Variants in TENM2 observed in about 807,000 individuals in gnomAD.
TENM2 encodes teneurin-2.
TENM2 carries 52 observed loss-of-function variants against 245.2 expected under a neutral mutation model. That is an observed-to-expected ratio of 0.21 (90% CI 0.17 to 0.27). The LOEUF (loss-of-function observed/expected upper bound fraction) is 0.27. Among genes scored for constraint, TENM2 ranks in the 10% least tolerant of loss-of-function variants. The pLI, the probability that TENM2 is intolerant of heterozygous loss-of-function variation, is 1.00. For synonymous variants in TENM2, 1,363 were observed against 1,438.9 expected, an observed-to-expected ratio of 0.95 and a Z score of 1.19; for missense variants, 3,046 against 3,666.8, an observed-to-expected ratio of 0.83 and a Z score of 4.37.
intron 3 of TENM2, among the ~76,000 whole-genome samples, chr5:167,891,438 G>T (rs1200483262): frequency 6.6e-6 from 1 of 152,038 alleles, no homozygotes; most frequent in Non-Finnish European, 1.5e-5. Context: ...TTTCCTAGCT[G>T]GACTTCTTAA....
intron 1 of TENM2, among the ~76,000 whole-genome samples, chr5:167,288,903 A>G (rs1175637346): frequency 6.6e-6 from 1 of 152,232 alleles, no homozygotes; most frequent in Non-Finnish European, 1.5e-5. Flanking sequence ...AAAGGCTGGG[A>G]AGGATCTATG....
intron 5 of TENM2, among the ~76,000 whole-genome samples, chr5:168,044,347 A>G (rs555431571): frequency 1.3e-5 from 2 of 152,314 alleles, no homozygotes; most frequent in African/African-American, 4.8e-5. Flanking sequence ...CCCAGGAGGC[A>G]GAGCTTGCAG....
chr5:167,650,597 G>A (rs1425235483), intron 2 of TENM2, among the ~76,000 whole-genome samples: 1 of 152,108 alleles, frequency 6.6e-6, no homozygotes, highest in Non-Finnish European at 1.5e-5. Context: ...AGGGTATTTA[G>A]ATAACTACAA....
chr5:167,984,518 T>C (rs189438977), intron 4 of TENM2, among the ~76,000 whole-genome samples: 93 of 152,254 alleles, frequency 6.1e-4, no homozygotes, highest in African/African-American at 2.2e-3. Flanking sequence ...TAGCCTGGCG[T>C]GGTGGCACAT....
At chr5:167,093,205 T>G in the TENM2 span, among the ~76,000 whole-genome samples, 1 of 152,308 alleles carries the variant, frequency 6.6e-6, no homozygotes, top group Non-Finnish European at 1.5e-5. Context: ...TGGGGCAGAA[T>G]TCTGCAGTGT....
intron 3 of TENM2, among the ~76,000 whole-genome samples, chr5:167,920,575 A>G (rs1777296252): frequency 6.6e-6 from 1 of 151,392 alleles, no homozygotes; most frequent in African/African-American, 2.4e-5. Context: ...TGGGCAAGGT[A>G]CTATTGTAGA....
chr5:167,942,161 T>A (rs145241654), intron 3 of TENM2, among the ~76,000 whole-genome samples: 3 of 152,244 alleles, frequency 2.0e-5, no homozygotes, highest in East Asian at 1.9e-4. Flanking sequence ...TAAGCCAAGA[T>A]GGCGCCACTG....
intron 6 of TENM2, among the ~76,000 whole-genome samples, chr5:168,051,426 A>G (rs921218655): frequency 5.9e-5 from 9 of 152,152 alleles, no homozygotes; most frequent in Non-Finnish European, 8.8e-5. Flanking sequence ...ATGGCCCAAA[A>G]AGCCTAAAAT....
intron 22 of TENM2, among the ~76,000 whole-genome samples, chr5:168,217,879 G>A (rs1283275095): frequency 6.6e-6 from 1 of 152,184 alleles, no homozygotes; most frequent in Non-Finnish European, 1.5e-5. Context: ...CATAGGTAGA[G>A]CTGATGGCCT....
intron 1 of TENM2, among the ~76,000 whole-genome samples, chr5:167,313,713 C>G (rs1264226066): frequency 2.0e-5 from 3 of 152,182 alleles, no homozygotes; most frequent in Non-Finnish European, 2.9e-5. Flanking sequence ...TTGCCCTTCT[C>G]CCATCATTCA....
chr5:167,196,114 A>G, the TENM2 span, among the ~76,000 whole-genome samples: 1 of 152,046 alleles, frequency 6.6e-6, no homozygotes, highest in Non-Finnish European at 1.5e-5. Context: ...CACGTAGGTT[A>G]TATGGTATTG....
intron 2 of TENM2, among the ~76,000 whole-genome samples, chr5:167,377,693 C>T (rs1446074134): frequency 6.6e-6 from 1 of 152,166 alleles, no homozygotes; most frequent in Non-Finnish European, 1.5e-5. Context: ...AAACTTCTTG[C>T]TCTTTCTCTC....
At chr5:167,529,251 T>A (rs191622936) in intron 2 of TENM2, among the ~76,000 whole-genome samples, 17 of 152,282 alleles carry the variant, frequency 1.1e-4, no homozygotes, top group Non-Finnish European at 1.5e-5. Flanking sequence ...ATGGTTTCTG[T>A]TCAATTGCAG....
chr5:167,608,458 C>T (rs1777213277), intron 2 of TENM2, among the ~76,000 whole-genome samples: 1 of 152,192 alleles, frequency 6.6e-6, no homozygotes, highest in Non-Finnish European at 1.5e-5. Flanking sequence ...GCCAAAGTGA[C>T]CTTGGTTGGC....
At chr5:167,760,541 T>A (rs1398993035) in intron 2 of TENM2, among the ~76,000 whole-genome samples, 1 of 152,194 alleles carries the variant, frequency 6.6e-6, no homozygotes, top group Non-Finnish European at 1.5e-5. Context: ...GTTGGCCTGA[T>A]TCTGATCATT....
At chr5:167,284,960 C>T in exon 1 of TENM2, 7 of 1,551,858 alleles carry the variant, frequency 4.5e-6, no homozygotes, top group Non-Finnish European at 6.1e-6. Context: ...AATCCTACAG[C>T]TCCAGTGAGA....
intron 2 of TENM2, among the ~76,000 whole-genome samples, chr5:167,710,160 T>C (rs1758811580): frequency 6.6e-6 from 1 of 152,194 alleles, no homozygotes; most frequent in Non-Finnish European, 1.5e-5. Context: ...AAGAAGCATG[T>C]TGTTAACATA....
At position 168,247,152 on chromosome 5, in the gene TENM2, G is replaced by A; in HGVS notation, c.6213G>A (p.Leu2071=). Residue 2071 remains leucine (L), a synonymous_variant, in exon 27 of 29, where the codon CTG becomes CTA. Coordinates refer to ENST00000518659, the Ensembl canonical transcript of TENM2. The surrounding 1 kb of genome is among the most constrained non-coding windows in gnomAD (Gnocchi z 7.8). ...TCAGGTACCGGAAGATTGGCCCCCTGGTGGACAAGCAGATCTACAGGTTCT... is the reference window on the plus strand; with the variant it reads ...TCAGGTACCGGAAGATTGGCCCCCTAGTGGACAAGCAGATCTACAGGTTCT... The A allele has an allele frequency of 6.2e-7, 1 of 1,613,890 alleles. No individual in the cohort carries two copies.
At chr5:167,420,220 A>G (rs1213638474) in intron 2 of TENM2, among the ~76,000 whole-genome samples, 2 of 152,336 alleles carry the variant, frequency 1.3e-5, no homozygotes, top group East Asian at 3.9e-4. Flanking sequence ...AGGAAATTGT[A>G]GGCTATGAGA....
Sources: gnomAD v4.1 joint callset for allele counts (sites outside exome capture counted in the v4.1 genomes callset) on GRCh38, gnomAD v4.1.1 for gene constraint, Gnocchi (gnomAD v3.1) non-coding constraint, MANE v1.5 for transcripts, NCBI Gene and HGNC (gene_info 2026-07-23, HGNC 2026-07-21) for gene names.